The following KIF20B variants were observed in gnomAD, a reference collection of about 807,000 sequenced individuals.
The protein encoded by KIF20B is kinesin family member 20B.
A neutral mutation model predicts 232.5 loss-of-function variants in KIF20B; 188 were observed. That is an observed-to-expected ratio of 0.81 (90% CI 0.72 to 0.91). The LOEUF is 0.91. Among genes scored for constraint, KIF20B ranks in the 40% least tolerant of loss-of-function variants. The pLI, the probability that KIF20B is intolerant of heterozygous loss-of-function variation, is 0.00. For missense variants in KIF20B, 2,154 were observed against 2,055.9 expected, an observed-to-expected ratio of 1.05 and a Z score of -0.92; for synonymous variants, 712 against 683.0, an observed-to-expected ratio of 1.04 and a Z score of -0.66.
At chr10:89,736,648 A>G (rs1325572460) in intron 19 of KIF20B, among the ~76,000 whole-genome samples, 2 of 152,166 alleles carry the variant, frequency 1.3e-5, no homozygotes, top group Non-Finnish European at 2.9e-5. Context: ...TAAGCCTGAA[A>G]AAGGCAAACT....
intron 31 of KIF20B, among the ~76,000 whole-genome samples, chr10:89,771,189 A>G (rs1010306241): frequency 7.2e-5 from 11 of 151,726 alleles, no homozygotes; most frequent in African/African-American, 2.4e-4. Flanking sequence ...CCCTGTCACT[A>G]CCCCTCATCC....
At chr10:89,707,397 T>C (rs1003221797) in intron 2 of KIF20B, among the ~76,000 whole-genome samples, 3 of 152,172 alleles carry the variant, frequency 2.0e-5, no homozygotes, top group Non-Finnish European at 4.4e-5. Flanking sequence ...TTTTGTAGAT[T>C]TGTTGGATTT....
At chr10:89,710,820 A>G (rs1842822415) in intron 5 of KIF20B, 141 bp from the exon 6 acceptor site, 1 of 550,904 alleles carries the variant, frequency 1.8e-6, no homozygotes, top group Admixed American at 3.7e-5. Context: ...GTGATGGAAA[A>G]CTGAGTAATC....
At chr10:89,706,086 CTG>C (rs1258731164) in intron 2 of KIF20B, among the ~76,000 whole-genome samples, 2 of 152,146 alleles carry the variant, frequency 1.3e-5, no homozygotes, top group Non-Finnish European at 1.5e-5. Flanking sequence ...AACTACTAAA[CTG>C]TTTTTCAAAG....
intron 13 of KIF20B, among the ~76,000 whole-genome samples, chr10:89,720,460 T>C (rs1589857095): frequency 1.3e-5 from 2 of 152,292 alleles, no homozygotes; most frequent in South Asian, 2.1e-4. Context: ...CAGATCTGTA[T>C]TGCAAAACCA....
intron 13 of KIF20B, 79 bp downstream of exon 13, chr10:89,719,785 C>A: frequency 8.3e-7 from 1 of 1,200,020 alleles, no homozygotes; most frequent in Non-Finnish European, 1.2e-6. Flanking sequence ...TCTCTCTCTT[C>A]AGTTTTTTTC....
intron 19 of KIF20B, among the ~76,000 whole-genome samples, chr10:89,735,521 A>G (rs1268216640): frequency 6.6e-6 from 1 of 150,436 alleles, no homozygotes; most frequent in African/African-American, 2.4e-5. Flanking sequence ...ATACCAATGG[A>G]AAGTAGTAAG....
intron 1 of KIF20B, among the ~76,000 whole-genome samples, chr10:89,702,927 G>A (rs1313495508): frequency 6.6e-6 from 1 of 152,182 alleles, no homozygotes; most frequent in African/African-American, 2.4e-5. Context: ...CCACGTATAA[G>A]TAGAAGTCAT....
chr10:89,703,428 C>T (rs936129252), intron 1 of KIF20B, among the ~76,000 whole-genome samples: 2 of 152,124 alleles, frequency 1.3e-5, no homozygotes, highest in African/African-American at 4.8e-5. Flanking sequence ...GGGACCTTTT[C>T]TAGACCAGGG....
Position 89,718,797 on chromosome 10 carries a change from T to G in KIF20B, c.1359T>G (p.Ile453Met). ...FFNGKGKICM[I>M]VNISQCYLAY... ...ATGGTAAAGGGAAAATTTGTATGATTGTCAATATCAGCCAATGTTATTTAG... is the reference window on the plus strand; with the variant it reads ...ATGGTAAAGGGAAAATTTGTATGATGGTCAATATCAGCCAATGTTATTTAG... Residue 453 changes from isoleucine (I) to methionine (M), a missense_variant, in exon 12 of 33, where the codon ATT (isoleucine) becomes ATG (methionine). Ile to Met is a conservative substitution (Grantham distance 10). Coordinates refer to ENST00000371728, the MANE Select transcript of KIF20B (RefSeq NM_001284259.2). 6.2e-7 allele frequency: 1 copy of G among 1,610,124 alleles called. No individual in the cohort carries two copies. Among genetic ancestry groups the G allele is most frequent in the East Asian group, 2.2e-5 (1 of 44,782 alleles).
chr10:89,751,495 C>A, intron 24 of KIF20B, 24 bp downstream of exon 24: 1 of 1,581,782 alleles, frequency 6.3e-7, no homozygotes. Context: ...GCTTACATTT[C>A]TCTAAATATA....
At position 89,724,119 on chromosome 10, in the gene KIF20B, C is replaced by T. The variant is rs367654830; in HGVS notation, c.1862+16C>T. 4.8e-5 allele frequency: 69 copies of T among 1,446,728 alleles called. No homozygotes were observed. Among genetic ancestry groups the T allele is most frequent in the Non-Finnish European group, 6.1e-5 (67 of 1,099,486 alleles). The allele number at this position is 1,446,728 out of a possible 1,614,324, so 89.6% of individuals were successfully genotyped here. A position where few individuals can be genotyped will look rare whatever the true frequency, so the allele number is the denominator to read the frequency against. On this transcript the variant is annotated intron_variant, in intron 14 of 32. Coordinates refer to ENST00000371728, the MANE Select transcript of KIF20B (RefSeq NM_001284259.2). ...CTGACTTTAAGTAAGTTATTTATTT[C>T]ATGTCCAGGTAAAAATTGAGAATTT...
Position 89,720,650 on chromosome 10 carries a change from A to G in KIF20B, c.1722+944A>G, listed in dbSNP as rs556384057. ...GTTTGTCGTCTTGTTATTATGATAAATAAATAAGATTTAACGGTTGTTTTT... is the reference window on the plus strand; with the variant it reads ...GTTTGTCGTCTTGTTATTATGATAAGTAAATAAGATTTAACGGTTGTTTTT... On this transcript the variant is annotated intron_variant, in intron 13 of 32. Transcript: ENST00000371728. Among the ~76,000 whole-genome samples the G allele has an allele frequency of 5.9e-5, 9 of 152,302 alleles. No individual in the cohort carries two copies. In the East Asian group the frequency reaches 1.7e-3, roughly 29 times the overall value.
chr10:89,738,497 A>T lies in KIF20B; in HGVS notation c.3656A>T (p.Asn1219Ile). ...QDSVKNTKDL[N>I]VKELKLKEEI... is the part of the protein sequence containing the mutation. ...TCTGTCAAAAACACCAAAGATTTAA[A>T]TGTAAAGGAACTCAAGCTGAAAGAA... is the stretch of plus-strand genomic sequence containing the variant. Residue 1219 changes from asparagine (N) to isoleucine (I), a missense_variant, in exon 20 of 33, where the codon AAT becomes ATT. By Grantham distance (149) the Asn-to-Ile change is moderately radical. Coordinates refer to ENST00000371728, the MANE Select transcript of KIF20B (RefSeq NM_001284259.2). 6.2e-7 allele frequency: 1 copy of T among 1,606,254 alleles called. No homozygotes were observed. The highest frequency in any genetic ancestry group is 2.2e-5 in the East Asian group (1 of 44,694).
intron 27 of KIF20B, among the ~76,000 whole-genome samples, chr10:89,759,988 A>T (rs936966655): frequency 1.3e-5 from 2 of 152,130 alleles, no homozygotes; most frequent in African/African-American, 4.8e-5. Flanking sequence ...GACTGAGAAA[A>T]TAGGAGGAAG....
intron 23 of KIF20B, among the ~76,000 whole-genome samples, chr10:89,748,243 C>T (rs946316590): frequency 1.2e-4 from 18 of 152,222 alleles, no homozygotes; most frequent in African/African-American, 4.3e-4. Flanking sequence ...CTCCTGACCT[C>T]AGGTGATCCA....
chr10:89,753,072 A>C (rs1449300090), intron 25 of KIF20B, among the ~76,000 whole-genome samples: 1 of 152,204 alleles, frequency 6.6e-6, no homozygotes, highest in Admixed American at 6.5e-5. Flanking sequence ...AAATCTCTTC[A>C]AAGTTTAATT....
chr10:89,735,632 G>T (rs558392288), intron 19 of KIF20B, among the ~76,000 whole-genome samples: 1 of 147,866 alleles, frequency 6.8e-6, no homozygotes, highest in Non-Finnish European at 1.5e-5. Flanking sequence ...CCGTCTCCTG[G>T]GTTCAAGCCA....
At chr10:89,722,391 C>T (rs1011312728) in intron 13 of KIF20B, among the ~76,000 whole-genome samples, 2 of 152,186 alleles carry the variant, frequency 1.3e-5, no homozygotes, top group African/African-American at 4.8e-5. Flanking sequence ...AACTTCCCGC[C>T]AGGCGCGGTG....
Sources: allele counts gnomAD v4.1 joint callset (sites outside exome capture counted in the v4.1 genomes callset), GRCh38; gene constraint gnomAD v4.1.1; transcripts MANE v1.5; gene names NCBI Gene and HGNC (gene_info 2026-07-23, HGNC 2026-07-21).